CTNNA2: variants seen among roughly 807,000 people sequenced by gnomAD.
CTNNA2 encodes the protein catenin alpha 2.
Under a neutral mutation model 101.0 loss-of-function variants are expected in CTNNA2, and 42 were observed. The ratio of observed to expected loss-of-function variants is 0.42; its 90% CI spans 0.32 to 0.54. The LOEUF is 0.54. Among genes scored for constraint, CTNNA2 ranks in the 20% least tolerant of loss-of-function variants. The probability of loss-of-function intolerance (pLI) is 0.14; values close to 1 mark genes in which losing one functional copy is unlikely to be tolerated. For missense variants in CTNNA2, 871 were observed against 1,223.1 expected, an observed-to-expected ratio of 0.71 and a Z score of 4.29; for synonymous variants, 450 against 456.4, an observed-to-expected ratio of 0.99 and a Z score of 0.18.
intron 9 of CTNNA2, among the ~76,000 whole-genome samples, chr2:80,519,148 T>C (rs930523217): frequency 2.0e-5 from 3 of 152,148 alleles, no homozygotes; most frequent in African/African-American, 7.2e-5. Flanking sequence ...TGTGTGTATG[T>C]ATGTGTGATT....
Position 80,015,488 on chromosome 2 carries a change from A to G in CTNNA2, c.1056+105691A>G, listed in dbSNP as rs574066111. On this transcript the variant is annotated intron_variant, in intron 7 of 18. Coordinates refer to ENST00000402739, the MANE Select transcript of CTNNA2 (RefSeq NM_001282597.3). The stretch of plus-strand genomic sequence containing the variant: ...TCTGATGGGGTACTTACTGTCTCCA[A>G]TTACAGTTGTTTCTCCATTATCCAT... Among the ~76,000 whole-genome samples the G allele has an allele frequency of 9.2e-5, 14 of 152,222 alleles. No individual in the cohort carries two copies. In the East Asian group the frequency reaches 2.1e-3, roughly 23 times the overall value.
rs190975913 is a variant in CTNNA2 at position 80,305,169 on chromosome 2, T to C, written c.1057-88042T>C. 879 of 985,380 alleles carry C rather than the reference T, an allele frequency of 8.9e-4. 5 individuals carry two copies. The African/African-American group carries it at 0.015, about 16-fold the overall frequency. 61.0% of individuals were successfully genotyped at this position (985,380 alleles called of 1,614,324 possible). A position where few individuals can be genotyped will look rare whatever the true frequency, so the allele number is the denominator to read the frequency against. Reference sequence around the variant, plus strand: ...GGAAGGCAATGATTTGGGGCTTGGCTAAGATTTTTGGGGTTTTTTCCCCCT... The same window carrying C: ...GGAAGGCAATGATTTGGGGCTTGGCCAAGATTTTTGGGGTTTTTTCCCCCT... On this transcript the variant is annotated intron_variant, in intron 7 of 18. Transcript: ENST00000402739.
At chr2:80,460,791 C>T in intron 9 of CTNNA2, among the ~76,000 whole-genome samples, 1 of 152,146 alleles carries the variant, frequency 6.6e-6, no homozygotes, top group Admixed American at 6.5e-5. Flanking sequence ...GGATATCCTT[C>T]TAACTCAATG....
At chr2:80,276,381 A>T (rs547886819) in intron 7 of CTNNA2, among the ~76,000 whole-genome samples, 2 of 152,290 alleles carry the variant, frequency 1.3e-5, no homozygotes, top group East Asian at 3.9e-4. Context: ...AAGCTGCTTC[A>T]TCTCTACCTC....
chr2:80,221,789 C>T (rs1290214280), intron 7 of CTNNA2, among the ~76,000 whole-genome samples: 2 of 152,226 alleles, frequency 1.3e-5, no homozygotes, highest in African/African-American at 4.8e-5. Flanking sequence ...TGGTATTGGA[C>T]AGCCAAAGAG....
chr2:80,426,157 C>A (rs1899901), intron 9 of CTNNA2, among the ~76,000 whole-genome samples: 20,903 of 151,942 alleles, frequency 0.14, 2,248 homozygotes, highest in East Asian at 0.58. Flanking sequence ...AGGGTGGGGC[C>A]GACCCTGAGG....
chr2:79,661,080 AC>A (rs2104527613), intron 2 of CTNNA2, among the ~76,000 whole-genome samples: 1 of 152,328 alleles, frequency 6.6e-6, no homozygotes, highest in Admixed American at 6.5e-5. Context: ...TTTGGTGAAC[AC>A]ACACCACCCT....
At chr2:80,305,945 T>C (rs548198466) in intron 7 of CTNNA2, among the ~76,000 whole-genome samples, 48 of 152,290 alleles carry the variant, frequency 3.2e-4, no homozygotes, top group African/African-American at 9.1e-4. Context: ...TCAAAATCAG[T>C]AGGCATTATA....
intron 7 of CTNNA2, among the ~76,000 whole-genome samples, chr2:80,372,424 T>C (rs1471465878): frequency 6.6e-6 from 1 of 150,864 alleles, no homozygotes; most frequent in Non-Finnish European, 1.5e-5. Context: ...CAAAGGTTGC[T>C]CTTTCTTAAA....
intron 9 of CTNNA2, among the ~76,000 whole-genome samples, chr2:80,532,320 T>C (rs898978264): frequency 3.0e-4 from 46 of 152,158 alleles, no homozygotes; most frequent in African/African-American, 9.9e-4. Flanking sequence ...CTGAATAGCA[T>C]AATGAAATCT....
chr2:80,587,592 G>A (rs2149731893), intron 14 of CTNNA2, among the ~76,000 whole-genome samples: 1 of 152,302 alleles, frequency 6.6e-6, no homozygotes, highest in South Asian at 2.1e-4. Context: ...CAGAGCCCCT[G>A]TTGAACCCAG....
intron 7 of CTNNA2, among the ~76,000 whole-genome samples, chr2:79,982,401 T>TATAACATATATA (rs1558698262): frequency 1.4e-4 from 20 of 143,214 alleles, no homozygotes; most frequent in African/African-American, 5.1e-4. Flanking sequence ...ATAACATATA[T>TATAACATATATA]AACATATAAC....
chr2:80,575,177 G>T (rs942537401), intron 13 of CTNNA2: 5 of 152,034 alleles, frequency 3.3e-5, no homozygotes, highest in Admixed American at 2.6e-4. Flanking sequence ...CACATTTATT[G>T]CTATTATATT....
At chr2:80,424,406 GA>G (rs1382070772) in intron 9 of CTNNA2, among the ~76,000 whole-genome samples, 1 of 152,208 alleles carries the variant, frequency 6.6e-6, no homozygotes. Flanking sequence ...AATGGAGACA[GA>G]CTTTATTGCT....
chr2:79,749,266 G>A (rs754924728), intron 3 of CTNNA2, among the ~76,000 whole-genome samples: 64 of 152,192 alleles, frequency 4.2e-4, no homozygotes, highest in East Asian at 9.7e-4. Flanking sequence ...TGCATCTGCC[G>A]TATGGGGTCA....
Position 79,868,678 on chromosome 2 carries a change from T to C in CTNNA2, c.466-1138T>C, listed in dbSNP as rs551029373. ...ATTTGCCCAAAATTACAAGAGCCGA[T>C]CTGAATTCTGCCCAAGTATTTTTTG... is the stretch of plus-strand genomic sequence containing the variant. On this transcript the variant is annotated intron_variant, in intron 4 of 18. Coordinates refer to ENST00000402739, the MANE Select transcript of CTNNA2 (RefSeq NM_001282597.3). 2.6e-4 allele frequency among the ~76,000 whole-genome samples: 39 copies of C among 152,370 alleles called. 1 individual carries two copies. The South Asian group carries it at 7.9e-3, about 31-fold the overall frequency.
At chr2:79,788,350 A>G (rs1162673820) in intron 3 of CTNNA2, among the ~76,000 whole-genome samples, 1 of 152,120 alleles carries the variant, frequency 6.6e-6, no homozygotes, top group Non-Finnish European at 1.5e-5. Flanking sequence ...TCCTGTGTGG[A>G]CTTGGAAGTG....
At chr2:80,462,627 C>CTTTTTTTTTT (rs1161384853) in intron 9 of CTNNA2, among the ~76,000 whole-genome samples, 26 of 114,354 alleles carry the variant, frequency 2.3e-4, no homozygotes, top group African/African-American at 8.2e-4. Context: ...TTCTTTCTTT[C>CTTTTTTTTTT]TTTCTTTTTT....
chr2:79,970,066 AG>A, intron 7 of CTNNA2, among the ~76,000 whole-genome samples: 1 of 152,340 alleles, frequency 6.6e-6, no homozygotes, highest in African/African-American at 2.4e-5. Flanking sequence ...TACAGTAAAT[AG>A]GTGCATACTC....
Sources: allele counts gnomAD v4.1 joint callset (sites outside exome capture counted in the v4.1 genomes callset), GRCh38; gene constraint gnomAD v4.1.1; transcripts MANE v1.5; gene names NCBI Gene and HGNC (gene_info 2026-07-23, HGNC 2026-07-21).